Variants in SLC14A2 observed in about 807,000 individuals in gnomAD.
SLC14A2 encodes the protein solute carrier family 14 member 2.
Under a neutral mutation model 104.6 loss-of-function variants are expected in SLC14A2, and 91 were observed. The ratio of observed to expected loss-of-function variants is 0.87; its 90% CI spans 0.73 to 1.04. The LOEUF is 1.04. Ranked by LOEUF, SLC14A2 falls within the 50% of genes least tolerant of loss-of-function variation. SLC14A2 has a pLI of 0.00. For missense variants in SLC14A2, 1,189 were observed against 1,156.0 expected (o/e 1.03, Z -0.41); for synonymous variants, 476 against 466.4 (o/e 1.02, Z -0.27).
chr18:45,237,072 G>A (rs540038170), intron 1 of SLC14A2, among the ~76,000 whole-genome samples: 12 of 152,240 alleles, frequency 7.9e-5, no homozygotes, highest in African/African-American at 2.9e-4. Flanking sequence ...CAGCAGAATG[G>A]AGACCAGAAG....
intron 1 of SLC14A2, among the ~76,000 whole-genome samples, chr18:45,238,571 A>T (rs893239276): frequency 6.6e-6 from 1 of 152,134 alleles, no homozygotes; most frequent in African/African-American, 2.4e-5. Context: ...TTAATGGGGA[A>T]AAAAATCTTC....
intron 2 of SLC14A2, among the ~76,000 whole-genome samples, chr18:45,589,833 G>A (rs2044621543): frequency 6.6e-6 from 1 of 152,186 alleles, no homozygotes; most frequent in Non-Finnish European, 1.5e-5. Context: ...CAAGGCTGGG[G>A]CAGGGAGGGG....
chr18:45,442,790 T>G (rs2086701038), intron 1 of SLC14A2, among the ~76,000 whole-genome samples: 1 of 152,238 alleles, frequency 6.6e-6, no homozygotes, highest in African/African-American at 2.4e-5. Context: ...CTATCACTAT[T>G]GTTATTGTTT....
At chr18:45,246,247 G>C (rs1470462450) in intron 1 of SLC14A2, among the ~76,000 whole-genome samples, 1 of 152,136 alleles carries the variant, frequency 6.6e-6, no homozygotes, top group East Asian at 1.9e-4. Flanking sequence ...CAAGAAGGGA[G>C]GCCTCGGGAC....
At chr18:45,169,210 A>G in the SLC14A2 span, 2 of 152,244 alleles carry the variant, frequency 1.3e-5, no homozygotes, top group African/African-American at 4.8e-5. Flanking sequence ...TTTAAAGCCA[A>G]TTAATAGCCA....
intron 1 of SLC14A2, among the ~76,000 whole-genome samples, chr18:45,311,721 T>C (rs930375360): frequency 1.3e-5 from 2 of 152,228 alleles, no homozygotes; most frequent in Admixed American, 1.3e-4. Context: ...TGGTAGCCAC[T>C]TGGGTTCTGA....
intron 2 of SLC14A2, among the ~76,000 whole-genome samples, chr18:45,593,698 C>T (rs2044684323): frequency 6.6e-6 from 1 of 151,864 alleles, no homozygotes; most frequent in Non-Finnish European, 1.5e-5. Context: ...ACCGTGTTAG[C>T]CAGAATGGTC....
At chr18:45,527,449 G>C (rs755950893) in intron 2 of SLC14A2, among the ~76,000 whole-genome samples, 5 of 152,196 alleles carry the variant, frequency 3.3e-5, no homozygotes, top group African/African-American at 1.2e-4. Flanking sequence ...ATAAAAGCAA[G>C]AAGACAGGCT....
chr18:45,486,236 G>T (rs555503539), intron 2 of SLC14A2, among the ~76,000 whole-genome samples: 1 of 152,130 alleles, frequency 6.6e-6, no homozygotes, highest in Admixed American at 6.5e-5. Flanking sequence ...CCAGACAAGG[G>T]TCTCCTTTTA....
intron 2 of SLC14A2, among the ~76,000 whole-genome samples, chr18:45,511,927 G>A (rs2043371328): frequency 6.6e-6 from 1 of 152,174 alleles, no homozygotes; most frequent in African/African-American, 2.4e-5. Context: ...AATATTCAGA[G>A]GAGGAGCAGT....
At chr18:45,454,620 G>T (rs2086911878) in intron 1 of SLC14A2, among the ~76,000 whole-genome samples, 1 of 152,128 alleles carries the variant, frequency 6.6e-6, no homozygotes, top group Non-Finnish European at 1.5e-5. Context: ...TTTCTTAGAG[G>T]ATTTTTATGG....
chr18:45,313,045 G>A (rs73952846), intron 1 of SLC14A2, among the ~76,000 whole-genome samples: 2 of 152,206 alleles, frequency 1.3e-5, no homozygotes, highest in Non-Finnish European at 2.9e-5. Context: ...AGACAAATGG[G>A]CACCTGCTGA....
intron 1 of SLC14A2, among the ~76,000 whole-genome samples, chr18:45,283,048 T>C (rs539800122): frequency 1.3e-5 from 2 of 152,214 alleles, no homozygotes; most frequent in Non-Finnish European, 2.9e-5. Context: ...CCCTGCCTCA[T>C]CCTTTTCCCT....
chr18:45,289,894 C>T (rs1307632992), intron 1 of SLC14A2, among the ~76,000 whole-genome samples: 3 of 152,114 alleles, frequency 2.0e-5, no homozygotes, highest in Non-Finnish European at 4.4e-5. Flanking sequence ...CACTCAGTGG[C>T]CTGATAGATG....
intron 18 of SLC14A2, among the ~76,000 whole-genome samples, chr18:45,678,431 C>T (rs970123091): frequency 2.0e-5 from 3 of 152,212 alleles, no homozygotes; most frequent in Non-Finnish European, 4.4e-5. Context: ...AGGCCAATTA[C>T]ACTAGTACAT....
chr18:45,645,234 A>C (rs2045598985), intron 10 of SLC14A2, among the ~76,000 whole-genome samples: 1 of 152,144 alleles, frequency 6.6e-6, no homozygotes, highest in Non-Finnish European at 1.5e-5. Context: ...CATGGTGTAT[A>C]TGTGCCACAT....
rs1272537920 is a variant in SLC14A2, at chr18:45,625,732, T to C, written c.200T>C (p.Leu67Pro). 2 of 1,563,902 alleles carry C rather than the reference T, an allele frequency of 1.3e-6. No homozygotes were observed. The highest frequency in any genetic ancestry group is 2.8e-5 in the African/African-American group (2 of 71,448). Residue 67 changes from leucine to proline, a missense_variant, in exon 3 of 20, where the codon CTC becomes CCC. Leu to Pro is a moderately conservative substitution (Grantham distance 98). Transcript: ENST00000255226. ...EDSHIVKIEK[L>P]NERSKRKDDG... ...AGTCACATTGTGAAGATCGAAAAGC[T>C]CAATGAAAGGAGTAAAAGGAAAGAC... is the stretch of plus-strand genomic sequence containing the variant.
intron 10 of SLC14A2, among the ~76,000 whole-genome samples, chr18:45,658,969 T>C (rs1265181903): frequency 6.6e-6 from 1 of 152,150 alleles, no homozygotes; most frequent in Non-Finnish European, 1.5e-5. Context: ...CACAGGATGA[T>C]GGCAATCCTC....
chr18:45,406,735 TG>T (rs34993720), intron 1 of SLC14A2, among the ~76,000 whole-genome samples: 1 of 152,242 alleles, frequency 6.6e-6, no homozygotes, highest in Non-Finnish European at 1.5e-5. Context: ...ATTGTTGGCA[TG>T]GAAACAATAT....
Sources: gnomAD v4.1 joint callset for allele counts (sites outside exome capture counted in the v4.1 genomes callset) on GRCh38, gnomAD v4.1.1 for gene constraint, MANE v1.5 for transcripts, NCBI Gene and HGNC (gene_info 2026-07-23, HGNC 2026-07-21) for gene names.